ZSWIM6: variants seen among roughly 807,000 people sequenced by gnomAD.
ZSWIM6 encodes the protein zinc finger SWIM-type containing 6, also known as zinc finger SWIM domain-containing protein 6.
ZSWIM6 carries 9 observed loss-of-function variants against 113.2 expected under a neutral mutation model. The ratio of observed to expected loss-of-function variants is 0.08; its 90% CI spans 0.05 to 0.14. The LOEUF (loss-of-function observed/expected upper bound fraction) is 0.14, where lower values mean the gene tolerates loss of function less well. Ranked by LOEUF, ZSWIM6 falls within the 10% of genes least tolerant of loss-of-function variation. The pLI, the probability that ZSWIM6 is intolerant of heterozygous loss-of-function variation, is 1.00. For synonymous variants in ZSWIM6, 611 were observed against 606.5 expected (o/e 1.01, Z -0.11); for missense variants, 1,162 against 1,552.2 (o/e 0.75, Z 4.22).
chr5:61,520,599 A>G (rs988020287), intron 4 of ZSWIM6, among the ~76,000 whole-genome samples: 2 of 152,132 alleles, frequency 1.3e-5, no homozygotes, highest in Non-Finnish European at 2.9e-5. Flanking sequence ...GTATGTTTAA[A>G]TGGATTTTAT....
chr5:61,412,408 GA>G (rs1404254528), intron 1 of ZSWIM6, among the ~76,000 whole-genome samples: 1 of 152,176 alleles, frequency 6.6e-6, no homozygotes, highest in African/African-American at 2.4e-5. Context: ...TTCAGGGCTT[GA>G]ATTTAGAATC....
At chr5:61,449,533 CT>C in intron 1 of ZSWIM6, among the ~76,000 whole-genome samples, 1 of 152,072 alleles carries the variant, frequency 6.6e-6, no homozygotes, top group East Asian at 1.9e-4. Flanking sequence ...CCCAGAAATA[CT>C]TTTTTATTTA....
rs1399567790 is a variant in ZSWIM6, at chr5:61,545,696, C to CA, written c.*1382dup. The stretch of plus-strand genomic sequence containing the variant: ...TATTTTATTTTCTCTAGAAATTACT[C>CA]AAACAAAAGCAGCCTTCTATCTTGC... On this transcript the variant is annotated 3_prime_UTR_variant, in exon 14 of 14. Transcript: ENST00000252744. The CA allele has an allele frequency of 6.6e-6, 1 of 151,906 alleles. No individual in the cohort carries two copies. Among genetic ancestry groups the CA allele is most frequent in the Non-Finnish European group, 1.5e-5 (1 of 67,992 alleles). The allele number at this position is 151,906 out of a possible 1,614,324, so 9.4% of individuals were successfully genotyped here. A position where few individuals can be genotyped will look rare whatever the true frequency, so the allele number is the denominator to read the frequency against.
chr5:61,504,802 A>T (rs1342641992), intron 4 of ZSWIM6, among the ~76,000 whole-genome samples: 1 of 152,146 alleles, frequency 6.6e-6, no homozygotes, highest in Non-Finnish European at 1.5e-5. Context: ...GTAAATATGG[A>T]TGGTGGACAG....
At chr5:61,384,435 C>A (rs1046737445) in intron 1 of ZSWIM6, among the ~76,000 whole-genome samples, 2 of 152,070 alleles carry the variant, frequency 1.3e-5, no homozygotes, top group African/African-American at 4.8e-5. Flanking sequence ...GTATACATAG[C>A]CCTTTGAGTC....
intron 4 of ZSWIM6, among the ~76,000 whole-genome samples, chr5:61,498,952 C>A (rs146051296): frequency 1.0e-3 from 158 of 152,202 alleles, no homozygotes; most frequent in African/African-American, 3.6e-3. Flanking sequence ...CCCACCAACA[C>A]CCCCATCCCT....
At chr5:61,337,284 C>G (rs955907444) in intron 1 of ZSWIM6, among the ~76,000 whole-genome samples, 44 of 147,402 alleles carry the variant, frequency 3.0e-4, no homozygotes, top group Admixed American at 2.2e-3. Flanking sequence ...GTCTCCCCCC[C>G]CAAAAAAAAC....
intron 1 of ZSWIM6, among the ~76,000 whole-genome samples, chr5:61,402,636 T>C (rs1435446705): frequency 6.6e-6 from 1 of 152,196 alleles, no homozygotes; most frequent in Non-Finnish European, 1.5e-5. Context: ...GTATGGTTTC[T>C]AGATTACAGT....
At chr5:61,505,374 T>C (rs893806278) in intron 4 of ZSWIM6, among the ~76,000 whole-genome samples, 24 of 152,012 alleles carry the variant, frequency 1.6e-4, no homozygotes, top group Non-Finnish European at 2.9e-4. Context: ...TTCCCTCTCT[T>C]GAAAAGGAGG....
At position 61,361,090 on chromosome 5, in the gene ZSWIM6, C is replaced by T. The variant is rs80139600; in HGVS notation, c.676+28142C>T. ...TTTGTGGGGGAGGGGGGTAAAGTCA[C>T]AGAGGAGTGGGAGTAGGTCCCAATG... On this transcript the variant is annotated intron_variant, in intron 1 of 13. Transcript: ENST00000252744. Among the ~76,000 whole-genome samples, 997 of 152,076 alleles carry T rather than the reference C, an allele frequency of 6.6e-3. 8 individuals carry two copies. The highest frequency in any genetic ancestry group is 0.02 in the African/African-American group (843 of 41,452).
intron 1 of ZSWIM6, among the ~76,000 whole-genome samples, chr5:61,334,539 C>T (rs1744348928): frequency 6.6e-6 from 1 of 152,092 alleles, no homozygotes; most frequent in Admixed American, 6.6e-5. Flanking sequence ...TGGATAGGGT[C>T]CCCAAGAAAG....
intron 1 of ZSWIM6, among the ~76,000 whole-genome samples, chr5:61,433,983 C>G (rs948296898): frequency 3.4e-5 from 5 of 146,424 alleles, no homozygotes; most frequent in South Asian, 4.3e-4. Context: ...TGTAAAATAT[C>G]TGTATAATAT....
chr5:61,494,526 C>A, intron 4 of ZSWIM6, 116 bp downstream of exon 4: 2 of 1,327,824 alleles, frequency 1.5e-6, no homozygotes, highest in Non-Finnish European at 2.1e-6. Flanking sequence ...ATGCATGGAA[C>A]GTGTTGCCAA....
chr5:61,496,504 A>G (rs1319785732), intron 4 of ZSWIM6, among the ~76,000 whole-genome samples: 1 of 152,184 alleles, frequency 6.6e-6, no homozygotes, highest in Non-Finnish European at 1.5e-5. Context: ...CAGGGCTCAC[A>G]TTGCTTCAAG....
intron 1 of ZSWIM6, among the ~76,000 whole-genome samples, chr5:61,413,709 G>C (rs998549401): frequency 6.6e-5 from 10 of 152,080 alleles, no homozygotes; most frequent in African/African-American, 2.4e-4. Flanking sequence ...TTTAATGATT[G>C]CCATTCTAAT....
intron 1 of ZSWIM6, among the ~76,000 whole-genome samples, chr5:61,410,081 G>A (rs1746123387): frequency 6.6e-6 from 1 of 152,066 alleles, no homozygotes; most frequent in African/African-American, 2.4e-5. Flanking sequence ...GGTTTCCTTA[G>A]GCACAATCAC....
chr5:61,405,363 GGAGTA>G (rs1746022403), intron 1 of ZSWIM6, among the ~76,000 whole-genome samples: 1 of 152,126 alleles, frequency 6.6e-6, no homozygotes. Flanking sequence ...CCTGTCTAAT[GGAGTA>G]TAGTTTCTTT....
At chr5:61,442,615 G>C (rs1267463837) in intron 1 of ZSWIM6, among the ~76,000 whole-genome samples, 1 of 152,112 alleles carries the variant, frequency 6.6e-6, no homozygotes, top group African/African-American at 2.4e-5. Flanking sequence ...AAGAATCATT[G>C]TCTACACAGG....
intron 1 of ZSWIM6, among the ~76,000 whole-genome samples, chr5:61,377,442 G>T (rs2112075776): frequency 6.6e-6 from 1 of 151,872 alleles, no homozygotes; most frequent in African/African-American, 2.4e-5. Context: ...AAAAATAAAA[G>T]ATTTTGCATA....
Sources: gnomAD v4.1 joint callset for allele counts (sites outside exome capture counted in the v4.1 genomes callset) on GRCh38, gnomAD v4.1.1 for gene constraint, MANE v1.5 for transcripts, NCBI Gene and HGNC (gene_info 2026-07-23, HGNC 2026-07-21) for gene names.